LDLRAD3: variants seen among roughly 807,000 people sequenced by gnomAD.
LDLRAD3 encodes low density lipoprotein receptor class A domain containing 3.
In LDLRAD3, 20 loss-of-function variants were observed where a neutral mutation model predicts 29.4. That is an observed-to-expected ratio of 0.68 (90% CI 0.48 to 0.99). LDLRAD3 has a LOEUF of 0.99. Among genes scored for constraint, LDLRAD3 ranks in the 50% least tolerant of loss-of-function variants. The pLI, the probability that LDLRAD3 is intolerant of heterozygous loss-of-function variation, is 0.00. For missense variants in LDLRAD3, 420 were observed against 454.3 expected, an observed-to-expected ratio of 0.92 and a Z score of 0.69; for synonymous variants, 157 against 192.7, an observed-to-expected ratio of 0.81 and a Z score of 1.53.
At chr11:36,144,795 G>C (rs1197493255) in intron 4 of LDLRAD3, among the ~76,000 whole-genome samples, 31 of 131,974 alleles carry the variant, frequency 2.3e-4, no homozygotes, top group Non-Finnish European at 3.8e-4. Context: ...GCCCCGTCCG[G>C]GAGGGAGGTG....
chr11:36,076,955 A>G (rs1853021632), intron 2 of LDLRAD3, among the ~76,000 whole-genome samples: 1 of 151,970 alleles, frequency 6.6e-6, no homozygotes, highest in African/African-American at 2.4e-5. Flanking sequence ...GTTATTTACT[A>G]GTAATACAGT....
chr11:36,143,930 C>CT, intron 4 of LDLRAD3, among the ~76,000 whole-genome samples: 2 of 131,160 alleles, frequency 1.5e-5, no homozygotes, highest in African/African-American at 2.9e-5. Context: ...CTCCCCCTCC[C>CT]CCTCCCCCTC....
chr11:36,142,819 C>A (rs1272546536), intron 4 of LDLRAD3, among the ~76,000 whole-genome samples: 1 of 152,138 alleles, frequency 6.6e-6, no homozygotes, highest in Non-Finnish European at 1.5e-5. Context: ...GTTGGAATTT[C>A]TGTGTGAAAG....
chr11:35,995,533 C>CA (rs1851743225), intron 1 of LDLRAD3, among the ~76,000 whole-genome samples: 1 of 152,224 alleles, frequency 6.6e-6, no homozygotes, highest in African/African-American at 2.4e-5. Flanking sequence ...GTATTCACTT[C>CA]AGCTTGAAGT....
intron 1 of LDLRAD3, among the ~76,000 whole-genome samples, chr11:36,019,767 AG>A (rs377543716): frequency 6.6e-6 from 1 of 152,326 alleles, no homozygotes; most frequent in African/African-American, 2.4e-5. Flanking sequence ...GGCCAAAGTT[AG>A]GGTGCTAATG....
At chr11:35,984,453 A>C (rs1021491133) in intron 1 of LDLRAD3, among the ~76,000 whole-genome samples, 1 of 152,180 alleles carries the variant, frequency 6.6e-6, no homozygotes, top group African/African-American at 2.4e-5. Flanking sequence ...TTTCAGCAGC[A>C]AGTGACTTTT....
intron 2 of LDLRAD3, among the ~76,000 whole-genome samples, chr11:36,059,493 GT>G (rs1852667188): frequency 6.6e-6 from 1 of 151,880 alleles, no homozygotes; most frequent in African/African-American, 2.4e-5. Context: ...CTGATTCATT[GT>G]ACCCTCCCCT....
chr11:36,185,620 C>T (rs886924460), intron 4 of LDLRAD3, among the ~76,000 whole-genome samples: 13 of 152,268 alleles, frequency 8.5e-5, no homozygotes, highest in Non-Finnish European at 1.8e-4. Context: ...CCCTCACTGT[C>T]GAGTTCATTA....
At chr11:35,983,277 G>A (rs1851566093) in intron 1 of LDLRAD3, among the ~76,000 whole-genome samples, 1 of 152,216 alleles carries the variant, frequency 6.6e-6, no homozygotes, top group Non-Finnish European at 1.5e-5. Context: ...TATATTGGGT[G>A]TATAGATTAA....
chr11:36,170,650 C>T (rs1854585564), intron 4 of LDLRAD3, among the ~76,000 whole-genome samples: 1 of 152,158 alleles, frequency 6.6e-6, no homozygotes, highest in South Asian at 2.1e-4. Flanking sequence ...CTGTTCACCA[C>T]ATTCATGCCA....
At chr11:36,057,276 A>G (rs1852635415) in intron 2 of LDLRAD3, among the ~76,000 whole-genome samples, 1 of 152,112 alleles carries the variant, frequency 6.6e-6, no homozygotes, top group Non-Finnish European at 1.5e-5. Context: ...AACATTGATT[A>G]TTGGGTTTGG....
chr11:35,955,037 G>A (rs1479255492), intron 1 of LDLRAD3, among the ~76,000 whole-genome samples: 1 of 152,212 alleles, frequency 6.6e-6, no homozygotes, highest in East Asian at 1.9e-4. Context: ...TTGAGGCCAG[G>A]ACTTCGAGAC....
At chr11:36,088,369 G>T (rs758115078) in intron 3 of LDLRAD3, among the ~76,000 whole-genome samples, 6 of 152,098 alleles carry the variant, frequency 3.9e-5, no homozygotes, top group Non-Finnish European at 8.8e-5. Flanking sequence ...TGAAACGGCA[G>T]GGTTTCTGGG....
At chr11:36,039,089 T>C (rs929669144) in intron 2 of LDLRAD3, among the ~76,000 whole-genome samples, 10 of 151,260 alleles carry the variant, frequency 6.6e-5, no homozygotes, top group African/African-American at 9.7e-5. Flanking sequence ...CTCGCCTCAG[T>C]CTCCCGAGTA....
At chr11:35,983,072 T>G (rs903139933) in intron 1 of LDLRAD3, among the ~76,000 whole-genome samples, 7 of 152,142 alleles carry the variant, frequency 4.6e-5, no homozygotes, top group African/African-American at 1.4e-4. Flanking sequence ...CAGGCTGGTC[T>G]TGAACTCCTG....
At chr11:36,058,032 A>T (rs1404977366) in intron 2 of LDLRAD3, among the ~76,000 whole-genome samples, 1 of 152,166 alleles carries the variant, frequency 6.6e-6, no homozygotes, top group Non-Finnish European at 1.5e-5. Flanking sequence ...CACTCAGGAG[A>T]TGTCTCTTTG....
At chr11:35,984,391 T>C (rs1388430932) in intron 1 of LDLRAD3, among the ~76,000 whole-genome samples, 1 of 152,202 alleles carries the variant, frequency 6.6e-6, no homozygotes, top group Non-Finnish European at 1.5e-5. Context: ...GGTCAACTGA[T>C]TTGTCCAAGG....
At chr11:35,966,073 C>T (rs921630978) in intron 1 of LDLRAD3, among the ~76,000 whole-genome samples, 9 of 152,122 alleles carry the variant, frequency 5.9e-5, no homozygotes, top group African/African-American at 9.7e-5. Context: ...TTGTTAGTGA[C>T]GGTATGACAA....
chr11:35,979,617 T>C (rs1851515992), intron 1 of LDLRAD3, among the ~76,000 whole-genome samples: 2 of 152,208 alleles, frequency 1.3e-5, no homozygotes, highest in African/African-American at 4.8e-5. Context: ...TCTCAGAGCC[T>C]CTGATCCATT....
Sources: gnomAD v4.1 joint callset for allele counts (sites outside exome capture counted in the v4.1 genomes callset) on GRCh38, gnomAD v4.1.1 for gene constraint, MANE v1.5 for transcripts, NCBI Gene and HGNC (gene_info 2026-07-23, HGNC 2026-07-21) for gene names.